Variants in SMAP2 observed in about 807,000 individuals in gnomAD.
SMAP2 encodes small ArfGAP2.
In SMAP2, 25 loss-of-function variants were observed where a neutral mutation model predicts 56.4. The observed-to-expected ratio is 0.44, with a 90% confidence interval of 0.32 to 0.62. The LOEUF (loss-of-function observed/expected upper bound fraction) is 0.62. SMAP2 is among the 20% of genes least tolerant of loss of function. The pLI is 0.04. For missense variants in SMAP2, 388 were observed against 545.6 expected, an observed-to-expected ratio of 0.71 and a Z score of 2.88; for synonymous variants, 157 against 181.7, an observed-to-expected ratio of 0.86 and a Z score of 1.09.
chr1:40,382,592 C>T (rs1411651552), intron 1 of SMAP2, among the ~76,000 whole-genome samples: 1 of 152,194 alleles, frequency 6.6e-6, no homozygotes, highest in East Asian at 1.9e-4. Flanking sequence ...GTATTGGCCC[C>T]TGGAATGTGA....
chr1:40,349,315 C>T (rs767800721), intron 1 of SMAP2, among the ~76,000 whole-genome samples: 4 of 152,032 alleles, frequency 2.6e-5, no homozygotes, highest in Non-Finnish European at 4.4e-5. Flanking sequence ...GTACAGTATC[C>T]CAGGTACTTC....
chr1:40,349,565 C>G (rs1171205754), intron 1 of SMAP2, among the ~76,000 whole-genome samples: 1 of 152,130 alleles, frequency 6.6e-6, no homozygotes, highest in African/African-American at 2.4e-5. Flanking sequence ...TGTCACCAGG[C>G]TGGAGTGCAG....
chr1:40,371,763 G>A (rs1270394316), upstream of SMAP2, among the ~76,000 whole-genome samples: 3 of 152,268 alleles, frequency 2.0e-5, no homozygotes, highest in East Asian at 1.9e-4. Flanking sequence ...AGTGAAGAGC[G>A]CTAATTGTCT....
Position 40,422,174 on chromosome 1 carries a change from C to T in SMAP2, c.*73C>T. 1 of 1,578,448 alleles carries T rather than the reference C, an allele frequency of 6.3e-7. No individual in the cohort carries two copies. The stretch of plus-strand genomic sequence containing the variant: ...CCTTTCCACAGCCTCCACCCCTGAC[C>T]CCCATCCTCTTTTCCTACCTCTCTG... On this transcript the variant is annotated 3_prime_UTR_variant, in exon 10 of 10. Coordinates refer to ENST00000372718, the MANE Select transcript of SMAP2 (RefSeq NM_022733.3).
intron 1 of SMAP2, among the ~76,000 whole-genome samples, chr1:40,346,855 T>A (rs1238721287): frequency 6.6e-6 from 1 of 151,998 alleles, no homozygotes. Context: ...TCTTGTTTCA[T>A]TTATTTTTAA....
At chr1:40,375,825 AACC>A (rs758737302) in intron 1 of SMAP2, 2 of 673,912 alleles carry the variant, frequency 3.0e-6, no homozygotes, top group African/African-American at 4.8e-5. Flanking sequence ...TGGTGACTAG[AACC>A]CCCCCCCCCA....
intron 2 of SMAP2, among the ~76,000 whole-genome samples, chr1:40,407,881 G>A (rs149765192): frequency 1.3e-5 from 2 of 152,274 alleles, no homozygotes; most frequent in African/African-American, 2.4e-5. Flanking sequence ...CTAAGTTAAT[G>A]AGTCTGGCTG....
intron 4 of SMAP2, among the ~76,000 whole-genome samples, chr1:40,411,696 G>C (rs1644937270): frequency 6.6e-6 from 1 of 152,048 alleles, no homozygotes; most frequent in African/African-American, 2.4e-5. Flanking sequence ...CAAATGAAAA[G>C]AAACTGGCTT....
In SMAP2 at chr1:40,416,285, C is replaced by G; in HGVS notation, c.791C>G (p.Ser264Cys). The part of the protein sequence containing the change: ...KSEEIGKKQL[S>C]KDSILSLYGS... ...GAAGAAATAGGCAAGAAACAGCTCT[C>G]TAAAGACTCCATTCTTTCACTGTAT... Residue 264 changes from serine (S) to cysteine (C), a missense_variant, in exon 8 of 10, where the codon TCT (serine) becomes TGT (cysteine). Transcript: ENST00000372718. 8 of 1,614,158 alleles carry G rather than the reference C, an allele frequency of 5.0e-6. No homozygotes were observed. Among genetic ancestry groups the G allele is most frequent in the Non-Finnish European group, 6.8e-6 (8 of 1,180,024 alleles).
chr1:40,355,967 C>A (rs1475683838), intron 1 of SMAP2, among the ~76,000 whole-genome samples: 1 of 152,092 alleles, frequency 6.6e-6, no homozygotes, highest in African/African-American at 2.4e-5. Flanking sequence ...TAACCATTCC[C>A]ACTTTCCCCC....
At position 40,413,108 on chromosome 1, in the gene SMAP2, T is replaced by A; in HGVS notation, c.489+6T>A. The A allele has an allele frequency of 6.2e-7, 1 of 1,610,418 alleles. No homozygotes were observed. The highest frequency in any genetic ancestry group is 2.2e-5 in the East Asian group (1 of 44,834). ...TTTTTGAGAAGGTGAAAATGGTAAG[T>A]TGGGAAGTATTTGCACTGTATGGAC... On this transcript the variant is annotated splice_donor_region_variant and intron_variant, in intron 5 of 9. Transcript: ENST00000372718.
intron 1 of SMAP2, among the ~76,000 whole-genome samples, chr1:40,383,352 T>C (rs1039373586): frequency 1.3e-5 from 2 of 152,144 alleles, no homozygotes; most frequent in Non-Finnish European, 2.9e-5. Context: ...GTGCCTCCCA[T>C]TGATGGAACT....
intron 4 of SMAP2, among the ~76,000 whole-genome samples, chr1:40,410,783 C>G (rs12563047): frequency 0.086 from 13,126 of 152,146 alleles, 649 homozygotes; most frequent in East Asian, 0.17. Flanking sequence ...GGAAAATATG[C>G]CTAACTAATG....
chr1:40,381,798 C>A (rs1174592477), intron 1 of SMAP2, among the ~76,000 whole-genome samples: 1 of 152,218 alleles, frequency 6.6e-6, no homozygotes, highest in Non-Finnish European at 1.5e-5. Context: ...TGAAACGCTT[C>A]CTGATCGCTG....
In SMAP2 at chr1:40,422,234, G is replaced by C. The variant is rs558904056; in HGVS notation, c.*133G>C. 7.7e-7 allele frequency: 1 copy of C among 1,290,838 alleles called. No individual in the cohort carries two copies. The highest frequency in any genetic ancestry group is 1.1e-6 in the Non-Finnish European group (1 of 947,632). 80.0% of individuals were successfully genotyped at this position (1,290,838 alleles called of 1,614,324 possible). ...GAAATTGCTCAATAAGTCATTTGGG[G>C]TTTGGCATCCTGCCCAGCCACTTCC... On this transcript the variant is annotated 3_prime_UTR_variant, in exon 10 of 10. Coordinates refer to ENST00000372718, the MANE Select transcript of SMAP2 (RefSeq NM_022733.3).
chr1:40,348,677 C>T (rs1275288406), intron 1 of SMAP2, among the ~76,000 whole-genome samples: 1 of 148,174 alleles, frequency 6.7e-6, no homozygotes, highest in Non-Finnish European at 1.5e-5. Flanking sequence ...ACTCTGTCCC[C>T]CCTCAAAAAA....
chr1:40,365,824 C>T (rs1206934658), intron 2 of SMAP2, among the ~76,000 whole-genome samples: 5 of 151,876 alleles, frequency 3.3e-5, no homozygotes, highest in African/African-American at 1.2e-4. Context: ...CGCAGCTCCT[C>T]ACCAGCAACA....
In SMAP2 at chr1:40,386,853, CTTTTT is replaced by C. The variant is rs57984975; in HGVS notation, c.103+12644_103+12648del. On this transcript the variant is annotated intron_variant, in intron 1 of 9. Coordinates refer to ENST00000372718, the MANE Select transcript of SMAP2 (RefSeq NM_022733.3). This position sits in a 1 kb window ranked among gnomAD's most constrained non-coding sequence, Gnocchi z 4.1. ...GATGCTGAAGGTATTTTTCATAATT[CTTTTT>C]TTTTTTTTTTTTTGGAGACAAGGTC... 7.1e-5 allele frequency among the ~76,000 whole-genome samples: 9 copies of C among 127,350 alleles called. No homozygotes were observed. The highest frequency in any genetic ancestry group is 2.4e-4 in the African/African-American group (8 of 33,698). 83.5% of individuals were successfully genotyped at this position (127,350 alleles called of 152,430 possible).
At chr1:40,356,639 T>C (rs1293501256) in intron 1 of SMAP2, among the ~76,000 whole-genome samples, 1 of 152,164 alleles carries the variant, frequency 6.6e-6, no homozygotes, top group Non-Finnish European at 1.5e-5. Context: ...TTCGATCTCC[T>C]AACTTTGTGA....
Sources: gnomAD v4.1 joint callset for allele counts (sites outside exome capture counted in the v4.1 genomes callset) on GRCh38, gnomAD v4.1.1 for gene constraint, Gnocchi (gnomAD v3.1) non-coding constraint, MANE v1.5 for transcripts, NCBI Gene and HGNC (gene_info 2026-07-23, HGNC 2026-07-21) for gene names.